The following SRGAP1 variants were observed in gnomAD, a reference collection of about 807,000 sequenced individuals.
SRGAP1 encodes the protein SLIT-ROBO Rho GTPase activating protein 1.
In SRGAP1, 43 loss-of-function variants were observed where a neutral mutation model predicts 121.9. The observed-to-expected ratio is 0.35, with a 90% CI of 0.28 to 0.46. The LOEUF is 0.46. Among genes scored for constraint, SRGAP1 ranks in the 20% least tolerant of loss-of-function variants. The pLI is 1.00. For missense variants in SRGAP1, 1,102 were observed against 1,350.9 expected (o/e 0.82, Z 2.89); for synonymous variants, 447 against 485.4 (o/e 0.92, Z 1.04).
chr12:64,109,191 TCAG>T, intron 16 of SRGAP1, 154 bp downstream of exon 16: 1 of 429,234 alleles, frequency 2.3e-6, no homozygotes, highest in Non-Finnish European at 4.0e-6. Context: ...ACATTTTTCC[TCAG>T]CAGATCAACA....
At chr12:64,053,932 C>T (rs2035288431) in intron 6 of SRGAP1, among the ~76,000 whole-genome samples, 1 of 152,080 alleles carries the variant, frequency 6.6e-6, no homozygotes, top group Non-Finnish European at 1.5e-5. Flanking sequence ...ATCCTCTGAT[C>T]TATAATCAGA....
chr12:63,874,272 C>T (rs1429569684), intron 1 of SRGAP1, among the ~76,000 whole-genome samples: 6 of 151,858 alleles, frequency 4.0e-5, no homozygotes, highest in East Asian at 1.9e-4. Flanking sequence ...GGCACGATCT[C>T]GGCTCGCTGC....
In SRGAP1 at chr12:63,844,942, G is replaced by C; in HGVS notation, c.67+59G>C. 6.5e-7 allele frequency: 1 copy of C among 1,531,322 alleles called. No individual in the cohort carries two copies. Among genetic ancestry groups the C allele is most frequent in the East Asian group, 2.2e-5 (1 of 44,490 alleles). 94.9% of individuals were successfully genotyped at this position (1,531,322 alleles called of 1,614,324 possible). ...TGTGCCTTCTTGTCATTGTGCTCGTGGAGTTGCGTATCTAACTTGGTGTCT... is the reference window on the plus strand; with the variant it reads ...TGTGCCTTCTTGTCATTGTGCTCGTCGAGTTGCGTATCTAACTTGGTGTCT... On this transcript the variant is annotated intron_variant, in intron 1 of 21. Coordinates refer to ENST00000355086, the MANE Select transcript of SRGAP1 (RefSeq NM_020762.4). The surrounding 1 kb of genome is among the most constrained non-coding windows in gnomAD (Gnocchi z 4.3).
intron 1 of SRGAP1, among the ~76,000 whole-genome samples, chr12:63,889,018 G>C (rs924586824): frequency 6.6e-6 from 1 of 152,198 alleles, no homozygotes; most frequent in Non-Finnish European, 1.5e-5. Context: ...CCTACCCATA[G>C]CTGCTGCTTT....
At chr12:64,033,891 G>T (rs565903939) in intron 4 of SRGAP1, among the ~76,000 whole-genome samples, 1 of 151,428 alleles carries the variant, frequency 6.6e-6, no homozygotes, top group East Asian at 2.0e-4. Context: ...ACAGTGGCAG[G>T]CGCCTGTAAT....
At chr12:64,083,805 C>T (rs1403645733) in intron 10 of SRGAP1, among the ~76,000 whole-genome samples, 1 of 151,948 alleles carries the variant, frequency 6.6e-6, no homozygotes, top group African/African-American at 2.4e-5. Flanking sequence ...TGCGATTTTG[C>T]TAAATAAAAA....
chr12:64,020,934 A>G (rs1210789580), intron 4 of SRGAP1, among the ~76,000 whole-genome samples: 1 of 144,044 alleles, frequency 6.9e-6, no homozygotes, highest in Non-Finnish European at 1.5e-5. Context: ...ATAGATGTTT[A>G]TATTCTGTCT....
At chr12:64,038,479 A>G (rs2034945739) in intron 4 of SRGAP1, 1 of 152,220 alleles carries the variant, frequency 6.6e-6, no homozygotes, top group Admixed American at 6.5e-5. Context: ...CAGTAGTCAA[A>G]AAGTAGAAAC....
chr12:64,114,976 C>A (rs1244824293), intron 17 of SRGAP1, among the ~76,000 whole-genome samples: 1 of 152,108 alleles, frequency 6.6e-6, no homozygotes, highest in Non-Finnish European at 1.5e-5. Flanking sequence ...CCATGTATTC[C>A]ATTTATCAGC....
At chr12:64,002,936 G>A (rs2033946687) in intron 3 of SRGAP1, among the ~76,000 whole-genome samples, 1 of 151,384 alleles carries the variant, frequency 6.6e-6, no homozygotes. Flanking sequence ...ACTTCCATGA[G>A]TAAAACAATT....
At chr12:64,091,943 A>G in intron 12 of SRGAP1, 1 of 1,533,868 alleles carries the variant, frequency 6.5e-7, no homozygotes, top group African/African-American at 1.4e-5. Flanking sequence ...TGCTAGAGGG[A>G]CGTGAGGGTG....
At chr12:64,057,355 G>C (rs1043499286) in intron 6 of SRGAP1, among the ~76,000 whole-genome samples, 9 of 152,152 alleles carry the variant, frequency 5.9e-5, no homozygotes, top group African/African-American at 2.2e-4. Context: ...AAACTCGTGT[G>C]TAAAAGTTGC....
intron 1 of SRGAP1, among the ~76,000 whole-genome samples, chr12:63,934,527 G>T (rs115371169): frequency 4.0e-4 from 61 of 152,246 alleles, no homozygotes; most frequent in African/African-American, 1.4e-3. Context: ...TTTGCTATAT[G>T]CACAACCCAC....
intron 8 of SRGAP1, 97 bp from the exon 9 acceptor site, chr12:64,078,822 C>T (rs2035785476): frequency 7.8e-6 from 10 of 1,277,744 alleles, no homozygotes; most frequent in Non-Finnish European, 1.1e-6. Context: ...CGGGGGCAGG[C>T]CCTGTGTCCT....
intron 8 of SRGAP1, among the ~76,000 whole-genome samples, chr12:64,076,537 T>A (rs2035741245): frequency 6.7e-6 from 1 of 150,064 alleles, no homozygotes; most frequent in Admixed American, 6.6e-5. Flanking sequence ...TCAGAAGAAA[T>A]AATAAAAACG....
chr12:63,913,624 C>G (rs1037253617), intron 1 of SRGAP1, among the ~76,000 whole-genome samples: 2 of 150,842 alleles, frequency 1.3e-5, no homozygotes, highest in African/African-American at 4.9e-5. Flanking sequence ...CATCTCTCTC[C>G]CTGTTAATGG....
intron 8 of SRGAP1, among the ~76,000 whole-genome samples, chr12:64,073,921 TTTAA>T (rs2035688651): frequency 6.8e-6 from 1 of 146,898 alleles, no homozygotes; most frequent in Admixed American, 6.9e-5. Flanking sequence ...CATTGTTTCC[TTTAA>T]TTGTGTTTTA....
chr12:64,150,927 G>C lies in SRGAP1; in HGVS notation c.*8255G>C. The C allele has an allele frequency of 3.1e-5, 1 of 32,546 alleles. No individual in the cohort carries two copies. Among genetic ancestry groups the C allele is most frequent in the Non-Finnish European group, 7.8e-5 (1 of 12,834 alleles). 2.0% of individuals were successfully genotyped at this position (32,546 alleles called of 1,614,324 possible). ...TCCAACCTGGGTGGAAGAGTGAGAA[G>C]CTATCTCAAAAAAAAAAAAAAAAAA... is the stretch of plus-strand genomic sequence containing the variant. On this transcript the variant is annotated 3_prime_UTR_variant, in exon 22 of 22. Coordinates refer to ENST00000355086, the MANE Select transcript of SRGAP1 (RefSeq NM_020762.4).
At chr12:64,060,409 T>C (rs975543165) in intron 6 of SRGAP1, among the ~76,000 whole-genome samples, 1 of 152,024 alleles carries the variant, frequency 6.6e-6, no homozygotes, top group Non-Finnish European at 1.5e-5. Flanking sequence ...TGTCTGACTA[T>C]GTTACTCAGG....
Sources: gnomAD v4.1 joint callset for allele counts (sites outside exome capture counted in the v4.1 genomes callset) on GRCh38, gnomAD v4.1.1 for gene constraint, Gnocchi (gnomAD v3.1) non-coding constraint, MANE v1.5 for transcripts, NCBI Gene and HGNC (gene_info 2026-07-23, HGNC 2026-07-21) for gene names.